RNF19B: variants seen among roughly 807,000 people sequenced by gnomAD.
RNF19B encodes ring finger protein 19B.
A neutral mutation model predicts 65.5 loss-of-function variants in RNF19B; 23 were observed. The ratio of observed to expected loss-of-function variants is 0.35; its 90% CI spans 0.25 to 0.50. RNF19B has a LOEUF of 0.50. Among genes scored for constraint, RNF19B ranks in the 20% least tolerant of loss-of-function variants. The probability of loss-of-function intolerance (pLI) is 0.98; values close to 1 mark genes in which losing one functional copy is unlikely to be tolerated. For missense variants in RNF19B, 794 were observed against 980.0 expected (o/e 0.81, Z 2.53); for synonymous variants, 372 against 379.6 (o/e 0.98, Z 0.23).
chr1:32,942,890 C>T (rs1279845358), intron 6 of RNF19B, among the ~76,000 whole-genome samples: 1 of 152,152 alleles, frequency 6.6e-6, no homozygotes, highest in African/African-American at 2.4e-5. Flanking sequence ...CCTGTACTTC[C>T]AGCACTTTGG....
chr1:32,943,942 G>T, intron 6 of RNF19B, 77 bp downstream of exon 6: 1 of 1,435,210 alleles, frequency 7.0e-7, no homozygotes, highest in Non-Finnish European at 9.6e-7. Flanking sequence ...CAATCTCCCT[G>T]TAAAATGCGC....
At chr1:32,960,754 T>C (rs1294909825) in intron 1 of RNF19B, among the ~76,000 whole-genome samples, 1 of 152,066 alleles carries the variant, frequency 6.6e-6, no homozygotes. Flanking sequence ...CCCAGCACTT[T>C]GGGAGGCCAA....
chr1:32,964,585 G>A lies in RNF19B; in HGVS notation c.101C>T (p.Thr34Ile). The A allele has an allele frequency of 6.9e-7, 1 of 1,442,120 alleles. No homozygotes were observed. 89.3% of individuals were successfully genotyped at this position (1,442,120 alleles called of 1,614,324 possible). ...CGAGGCAGAGAAGACGCTGTGCAAG[G>A]TGAGGCGCCGGCGCCGGCCGCCGCT... ...CRSGGRRRRL[T>I]LHSVFSASAR... The change falls in exon 1 of 9, where the codon ACC becomes ATC. Residue 34 changes from threonine (T) to isoleucine (I), a missense_variant. Thr to Ile is a moderately conservative substitution (Grantham distance 89, BLOSUM62 -1). Transcript: ENST00000235150. The surrounding 1 kb of genome is among the most constrained non-coding windows in gnomAD (Gnocchi z 6.5).
In RNF19B at chr1:32,962,740, C is replaced by A. The variant is rs759511260; in HGVS notation, c.635+1311G>T. Among the ~76,000 whole-genome samples, 48 of 151,468 alleles carry A rather than the reference C, an allele frequency of 3.2e-4. 1 individual carries two copies. The highest frequency in any genetic ancestry group is 4.0e-4 in the Admixed American group (6 of 15,084). ...ACACACTGCAAGGACTCCCCAGCAT[C>A]TTTTTGTCGCCAAAACATGACACAC... On this transcript the variant is annotated intron_variant, in intron 1 of 8. Coordinates refer to ENST00000235150, the MANE Select transcript of RNF19B (RefSeq NM_001300826.2).
chr1:32,963,922 T>A, intron 1 of RNF19B, 129 bp downstream of exon 1: 1 of 1,337,880 alleles, frequency 7.5e-7, no homozygotes, highest in Non-Finnish European at 9.5e-7. Flanking sequence ...TGCCTGATGG[T>A]TACCACCCCG....
At chr1:32,954,848 G>A (rs1251971176) in intron 1 of RNF19B, among the ~76,000 whole-genome samples, 1 of 151,822 alleles carries the variant, frequency 6.6e-6, no homozygotes, top group Non-Finnish European at 1.5e-5. Flanking sequence ...CTGCATGTGA[G>A]ACCTTGTCCT....
intron 1 of RNF19B, among the ~76,000 whole-genome samples, chr1:32,952,532 G>A (rs1342000743): frequency 6.6e-6 from 1 of 151,304 alleles, no homozygotes; most frequent in Non-Finnish European, 1.5e-5. Context: ...CACAAGGTCA[G>A]GAGTTCGAGA....
At chr1:32,937,285 G>C (rs1323640766) in intron 8 of RNF19B, 26 bp from the exon 9 acceptor site, 3 of 1,612,744 alleles carry the variant, frequency 1.9e-6, no homozygotes, top group Admixed American at 1.7e-5. Flanking sequence ...CCACTTTGCT[G>C]AGTCATGCAT....
intron 3 of RNF19B, among the ~76,000 whole-genome samples, chr1:32,946,914 A>T (rs893729442): frequency 4.6e-5 from 7 of 152,182 alleles, no homozygotes; most frequent in Non-Finnish European, 8.8e-5. Flanking sequence ...TCCCATCCAG[A>T]CACACTGCAC....
At chr1:32,930,960 A>C in the RNF19B span, among the ~76,000 whole-genome samples, 2 of 151,992 alleles carry the variant, frequency 1.3e-5, no homozygotes, top group African/African-American at 4.8e-5. Flanking sequence ...TGCTGGCATG[A>C]GCCTGTAATT....
intron 1 of RNF19B, among the ~76,000 whole-genome samples, chr1:32,962,886 T>C (rs767420751): frequency 1.1e-4 from 17 of 152,184 alleles, no homozygotes; most frequent in Non-Finnish European, 2.1e-4. Context: ...CAGTAACAAT[T>C]AGACTTCTAA....
intron 1 of RNF19B, among the ~76,000 whole-genome samples, chr1:32,958,811 T>A (rs190641535): frequency 1.3e-5 from 2 of 152,190 alleles, no homozygotes; most frequent in Admixed American, 1.3e-4. Flanking sequence ...AGAACTCATC[T>A]TATAGGTTAG....
At chr1:32,932,942 A>C (rs1642044087), downstream of RNF19B, among the ~76,000 whole-genome samples, 1 of 152,132 alleles carries the variant, frequency 6.6e-6, no homozygotes, top group African/African-American at 2.4e-5. Flanking sequence ...CTAGATATTC[A>C]CATAGTTCTC....
chr1:32,962,497 G>GTTAAATA (rs1642794255), intron 1 of RNF19B, among the ~76,000 whole-genome samples: 1 of 152,086 alleles, frequency 6.6e-6, no homozygotes, highest in Non-Finnish European at 1.5e-5. Context: ...TCTCAGTGAG[G>GTTAAATA]TTAAATAGCA....
chr1:32,947,389 G>A (rs1379744127), intron 3 of RNF19B, among the ~76,000 whole-genome samples: 1 of 152,214 alleles, frequency 6.6e-6, no homozygotes, highest in African/African-American at 2.4e-5. Flanking sequence ...GCTGGGCGCG[G>A]TGGCTCGCGC....
At chr1:32,940,860 T>C (rs544228683) in intron 7 of RNF19B, among the ~76,000 whole-genome samples, 229 of 152,336 alleles carry the variant, frequency 1.5e-3, no homozygotes, top group African/African-American at 4.0e-3. Context: ...TTACATATTT[T>C]CAACACAAGT....
chr1:32,962,233 T>A (rs1030633336), intron 1 of RNF19B, among the ~76,000 whole-genome samples: 5 of 152,236 alleles, frequency 3.3e-5, no homozygotes, highest in African/African-American at 9.6e-5. Flanking sequence ...TCTCCCAGAA[T>A]GCTAGGACTA....
At chr1:32,934,974 GGT>G (rs1208111918), downstream of RNF19B, among the ~76,000 whole-genome samples, 1 of 140,804 alleles carries the variant, frequency 7.1e-6, no homozygotes, top group Non-Finnish European at 1.5e-5. Flanking sequence ...CTGGACTACA[GGT>G]GTGCGCCACC....
At chr1:32,929,115 G>A in the RNF19B span, among the ~76,000 whole-genome samples, 6 of 152,250 alleles carry the variant, frequency 3.9e-5, no homozygotes, top group Non-Finnish European at 7.4e-5. Flanking sequence ...GGTTCCTTCC[G>A]CGGGCTGTGG....
Sources: allele counts gnomAD v4.1 joint callset (sites outside exome capture counted in the v4.1 genomes callset), GRCh38; gene constraint gnomAD v4.1.1; non-coding constraint Gnocchi (gnomAD v3.1); transcripts MANE v1.5; gene names NCBI Gene and HGNC (gene_info 2026-07-23, HGNC 2026-07-21).